Variants in REEP1 observed in about 807,000 individuals in gnomAD.
The protein encoded by REEP1 is receptor accessory protein 1.
REEP1 carries 22 observed loss-of-function variants against 40.3 expected under a neutral mutation model. The observed-to-expected ratio is 0.55, with a 90% CI of 0.39 to 0.78. REEP1 has a LOEUF of 0.78. REEP1 is among the 30% of genes least tolerant of loss of function. The pLI, the probability that REEP1 is intolerant of heterozygous loss-of-function variation, is 0.00. For missense variants in REEP1, 280 were observed against 361.1 expected (o/e 0.78, Z 1.82); for synonymous variants, 116 against 139.2 (o/e 0.83, Z 1.17).
At chr2:86,315,640 T>C (rs867593833) in intron 1 of REEP1, among the ~76,000 whole-genome samples, 6 of 152,140 alleles carry the variant, frequency 3.9e-5, no homozygotes, top group African/African-American at 1.4e-4. Flanking sequence ...CTCAGTAAAG[T>C]GTTTTATACC....
intron 1 of REEP1, among the ~76,000 whole-genome samples, chr2:86,324,981 T>C (rs977235407): frequency 2.6e-5 from 4 of 152,250 alleles, no homozygotes; most frequent in African/African-American, 7.2e-5. Context: ...GGGTTCACTG[T>C]ACTATTATCC....
rs190996465 is a variant in REEP1, at chr2:86,337,446, G to A, written c.32+33C>T. 7.9e-4 allele frequency: 977 copies of A among 1,238,656 alleles called. 12 individuals are homozygous for A. In the African/African-American group the frequency reaches 0.014, roughly 18 times the overall value. 76.7% of individuals were successfully genotyped at this position (1,238,656 alleles called of 1,614,324 possible). A position where few individuals can be genotyped will look rare whatever the true frequency, so the allele number is the denominator to read the frequency against. On this transcript the variant is annotated intron_variant, in intron 1 of 8. Transcript: ENST00000538924. The surrounding 1 kb of genome is among the most constrained non-coding windows in gnomAD (Gnocchi z 5.8). Reference sequence around the variant, plus strand: ...CCGGGGCCGGGGGCGGGGAGGGAGGGGACGGAGGGGCGCGGGGGAGAAGGC... The same window carrying A: ...CCGGGGCCGGGGGCGGGGAGGGAGGAGACGGAGGGGCGCGGGGGAGAAGGC...
Position 86,233,355 on chromosome 2 carries a change from C to T in REEP1, c.418-553G>A, listed in dbSNP as rs186684484. On this transcript the variant is annotated intron_variant, in intron 5 of 8. Transcript: ENST00000538924. ...TATTTGTATAGCATATTACTGTCTA[C>T]GAGGCACATTTACTTCTGCTGGTGC... Among the ~76,000 whole-genome samples the T allele has an allele frequency of 5.1e-3, 771 of 152,160 alleles. 28 individuals carry two copies. Among genetic ancestry groups the T allele is most frequent in the Admixed American group, 0.047 (722 of 15,278 alleles).
intron 6 of REEP1, among the ~76,000 whole-genome samples, chr2:86,229,343 A>G (rs1237962787): frequency 6.6e-6 from 1 of 152,172 alleles, no homozygotes; most frequent in Non-Finnish European, 1.5e-5. Context: ...CAGGCCCGGC[A>G]TCACCCAGCC....
At chr2:86,318,840 T>TA (rs1680152851) in intron 1 of REEP1, among the ~76,000 whole-genome samples, 1 of 152,134 alleles carries the variant, frequency 6.6e-6, no homozygotes, top group East Asian at 1.9e-4. Flanking sequence ...TGTATTTATA[T>TA]AAAAAAAGAT....
At chr2:86,329,049 T>C (rs565655279) in intron 1 of REEP1, among the ~76,000 whole-genome samples, 2 of 152,060 alleles carry the variant, frequency 1.3e-5, no homozygotes, top group African/African-American at 4.8e-5. Context: ...ATGCAGAGAT[T>C]TTATTGAGTG....
intron 5 of REEP1, among the ~76,000 whole-genome samples, chr2:86,242,176 C>T (rs954532327): frequency 2.6e-5 from 4 of 152,200 alleles, no homozygotes; most frequent in East Asian, 1.9e-4. Context: ...TGCCTCATAA[C>T]TCCTGTGGCA....
chr2:86,305,228 T>A (rs1234777182), intron 1 of REEP1, among the ~76,000 whole-genome samples: 1 of 152,278 alleles, frequency 6.6e-6, no homozygotes, highest in South Asian at 2.1e-4. Flanking sequence ...TGGGCCAGTA[T>A]CCTTCCCATA....
At chr2:86,283,007 T>C (rs1487530647) in intron 1 of REEP1, among the ~76,000 whole-genome samples, 2 of 152,044 alleles carry the variant, frequency 1.3e-5, no homozygotes, top group Admixed American at 6.6e-5. Flanking sequence ...GAGTCTTCCT[T>C]CCCCCTTCTT....
intron 2 of REEP1, among the ~76,000 whole-genome samples, chr2:86,273,140 CA>C (rs35100792): frequency 2.4e-4 from 35 of 144,718 alleles, no homozygotes; most frequent in South Asian, 4.4e-4. Flanking sequence ...GACCCTGTCT[CA>C]AAAAAAAAAA....
chr2:86,237,159 A>G (rs1036587696), intron 5 of REEP1, among the ~76,000 whole-genome samples: 1 of 152,226 alleles, frequency 6.6e-6, no homozygotes, highest in African/African-American at 2.4e-5. Flanking sequence ...TCTCCCTGGC[A>G]TAACTGGACA....
chr2:86,283,462 G>A (rs1278777899), intron 1 of REEP1, among the ~76,000 whole-genome samples: 1 of 152,150 alleles, frequency 6.6e-6, no homozygotes, highest in African/African-American at 2.4e-5. Flanking sequence ...CCTGCAAAGA[G>A]CCAGCCTAGT....
chr2:86,308,226 G>A (rs1181459603), intron 1 of REEP1, among the ~76,000 whole-genome samples: 1 of 152,216 alleles, frequency 6.6e-6, no homozygotes, highest in African/African-American at 2.4e-5. Flanking sequence ...AATGCAAGTG[G>A]TAAAGGCTGA....
At position 86,283,596 on chromosome 2, in the gene REEP1, C is replaced by T. The variant is rs139235416; in HGVS notation, c.33-1354G>A. On this transcript the variant is annotated intron_variant, in intron 1 of 8. Transcript: ENST00000538924. Reference sequence around the variant, plus strand: ...TACCATGAGCACTGTTGCCAGGGAACACCCTGACATTCCACAATCATCAGG... The same window carrying T: ...TACCATGAGCACTGTTGCCAGGGAATACCCTGACATTCCACAATCATCAGG... 3.2e-3 allele frequency among the ~76,000 whole-genome samples: 482 copies of T among 152,346 alleles called. 4 individuals are homozygous for T. Among genetic ancestry groups the T allele is most frequent in the African/African-American group, 0.011 (459 of 41,574 alleles).
intron 1 of REEP1, among the ~76,000 whole-genome samples, chr2:86,284,552 T>A (rs778731197): frequency 1.3e-5 from 2 of 152,188 alleles, no homozygotes; most frequent in Non-Finnish European, 2.9e-5. Context: ...CCAGGCTGAT[T>A]CAGCAAAGCC....
intron 2 of REEP1, among the ~76,000 whole-genome samples, chr2:86,268,434 A>T (rs985090800): frequency 1.2e-4 from 19 of 152,232 alleles, no homozygotes; most frequent in African/African-American, 4.6e-4. Flanking sequence ...CAAACAGGAT[A>T]TGTAAAAAGT....
intron 5 of REEP1, among the ~76,000 whole-genome samples, chr2:86,233,377 G>A (rs866500931): frequency 1.1e-4 from 16 of 152,156 alleles, no homozygotes; most frequent in Middle Eastern, 6.8e-3. Flanking sequence ...ACTTCTGCTG[G>A]TGCATTTCAG....
At chr2:86,305,243 T>C (rs1679428892) in intron 1 of REEP1, among the ~76,000 whole-genome samples, 2 of 152,140 alleles carry the variant, frequency 1.3e-5, no homozygotes, top group Non-Finnish European at 2.9e-5. Flanking sequence ...CCCATAAATG[T>C]CCTCGCTTGC....
chr2:86,269,418 T>G (rs2104333889), intron 2 of REEP1, among the ~76,000 whole-genome samples: 1 of 152,344 alleles, frequency 6.6e-6, no homozygotes, highest in Middle Eastern at 3.4e-3. Flanking sequence ...AACTCCTAGA[T>G]TATAACACTT....
Sources: gnomAD v4.1 joint callset for allele counts (sites outside exome capture counted in the v4.1 genomes callset) on GRCh38, gnomAD v4.1.1 for gene constraint, Gnocchi (gnomAD v3.1) non-coding constraint, MANE v1.5 for transcripts, NCBI Gene and HGNC (gene_info 2026-07-23, HGNC 2026-07-21) for gene names.